Variants in PCDHGB2 observed in about 807,000 individuals in gnomAD.
PCDHGB2 encodes protocadherin gamma subfamily B, 2, also known as protocadherin gamma-B2.
In PCDHGB2, 55 loss-of-function variants were observed where a neutral mutation model predicts 59.3. The observed-to-expected ratio is 0.93, with a 90% CI of 0.75 to 1.16. PCDHGB2 has a LOEUF of 1.16. Ranked by LOEUF, PCDHGB2 falls within the 50% of genes most tolerant of loss-of-function variation. PCDHGB2 has a pLI of 0.00. For synonymous variants in PCDHGB2, 516 were observed against 512.0 expected, an observed-to-expected ratio of 1.01 and a Z score of -0.11; for missense variants, 1,228 against 1,198.5, an observed-to-expected ratio of 1.02 and a Z score of -0.36.
intron 1 of PCDHGB2, among the ~76,000 whole-genome samples, chr5:141,450,025 G>C (rs963999877): frequency 2.7e-5 from 1 of 36,752 alleles, no homozygotes; most frequent in Non-Finnish European, 5.4e-5. Context: ...TTTTTTTTTT[G>C]AGACAGGGTC....
intron 1 of PCDHGB2, chr5:141,375,405 A>G (rs1472795802): frequency 6.2e-7 from 1 of 1,613,932 alleles, no homozygotes; most frequent in South Asian, 1.1e-5. Context: ...ATCTCTCTAA[A>G]TGTGGCAGAC....
At chr5:141,415,306 T>G (rs2095852502) in intron 1 of PCDHGB2, 2 of 1,614,222 alleles carry the variant, frequency 1.2e-6, no homozygotes, top group Non-Finnish European at 8.5e-7. Context: ...CTTCCTGGCC[T>G]TCGTCATCGT....
intron 1 of PCDHGB2, chr5:141,428,113 T>A: frequency 6.2e-7 from 1 of 1,607,492 alleles, no homozygotes; most frequent in Non-Finnish European, 8.5e-7. Flanking sequence ...CTGCAGGCCA[T>A]CGAGCCCGGG....
At chr5:141,384,819 G>C (rs1251597245) in intron 1 of PCDHGB2, 2 of 1,613,524 alleles carry the variant, frequency 1.2e-6, no homozygotes, top group African/African-American at 1.3e-5. Flanking sequence ...CCCTCAAGCA[G>C]AGCCTCGTGG....
Position 141,360,239 on chromosome 5 carries a change from A to G in PCDHGB2, c.104A>G (p.Tyr35Cys), listed in dbSNP as rs775491179. 2 of 1,613,884 alleles carry G rather than the reference A, an allele frequency of 1.2e-6. No homozygotes were observed. The highest frequency in any genetic ancestry group is 1.7e-6 in the Non-Finnish European group (2 of 1,179,852). The change falls in exon 1 of 4, where the codon TAT becomes TGT. Residue 35 changes from tyrosine (Y) to cysteine (C), a missense_variant. This residue lies in a region of PCDHGB2 where 781 missense variants were observed against 721.6 expected (regional missense o/e 1.08). Transcript: ENST00000522605. ...FPGALPVQIRYSIPEELAKNS... is the reference protein window; with the variant it reads ...FPGALPVQIRCSIPEELAKNS... ...GGGGCTCTCCCAGTCCAGATCCGCTATTCAATTCCAGAGGAGCTGGCCAAA... is the reference window on the plus strand; with the variant it reads ...GGGGCTCTCCCAGTCCAGATCCGCTGTTCAATTCCAGAGGAGCTGGCCAAA...
chr5:141,379,845 AC>A (rs1334954085), intron 1 of PCDHGB2, among the ~76,000 whole-genome samples: 3 of 138,852 alleles, frequency 2.2e-5, no homozygotes. Context: ...AAAAAAAACT[AC>A]CAAATTATTG....
chr5:141,418,776 C>G (rs763308217), intron 1 of PCDHGB2: 1 of 1,613,806 alleles, frequency 6.2e-7, no homozygotes, highest in East Asian at 2.2e-5. Flanking sequence ...ACTCAGCAGC[C>G]TTTGGATTTT....
intron 1 of PCDHGB2, among the ~76,000 whole-genome samples, chr5:141,456,483 CTTAATA>C (rs2098861684): frequency 1.3e-5 from 2 of 152,072 alleles, no homozygotes; most frequent in African/African-American, 4.8e-5. Context: ...CAAGAGAGTG[CTTAATA>C]AAGGGGTTAA....
At chr5:141,413,924 A>T in intron 1 of PCDHGB2, 1 of 1,613,408 alleles carries the variant, frequency 6.2e-7, no homozygotes, top group Non-Finnish European at 8.5e-7. Context: ...ACCTTGCCAG[A>T]ATACCGAGTG....
intron 1 of PCDHGB2, among the ~76,000 whole-genome samples, chr5:141,444,242 G>A (rs964582042): frequency 7.5e-6 from 1 of 133,896 alleles, no homozygotes; most frequent in Non-Finnish European, 1.5e-5. Flanking sequence ...CATGCTCTCG[G>A]CTCACTGCAA....
intron 2 of PCDHGB2, among the ~76,000 whole-genome samples, chr5:141,501,476 A>T (rs1274017343): frequency 3.3e-5 from 5 of 152,044 alleles, no homozygotes; most frequent in Admixed American, 3.3e-4. Context: ...ATCCTGGAAG[A>T]GTCCCTCATA....
chr5:141,407,616 C>T (rs752226894), intron 1 of PCDHGB2, among the ~76,000 whole-genome samples: 3 of 151,970 alleles, frequency 2.0e-5, no homozygotes, highest in Non-Finnish European at 4.4e-5. Flanking sequence ...CATTGGTTGA[C>T]ATTCTATATC....
chr5:141,472,980 C>CAAAAAAAAAAAAAAAAAAAGAAAAAAAAA (rs60579131), intron 1 of PCDHGB2, among the ~76,000 whole-genome samples: 1 of 86,106 alleles, frequency 1.2e-5, no homozygotes, highest in Admixed American at 1.2e-4. Context: ...GAGTGAAACT[C>CAAAAAAAAAAAAAAAAAAAGAAAAAAAAA]AAAAAAAAAA....
chr5:141,374,719 T>C, intron 1 of PCDHGB2: 3 of 1,610,224 alleles, frequency 1.9e-6, no homozygotes, highest in Non-Finnish European at 1.7e-6. Flanking sequence ...GCCTGGTCCT[T>C]ACTGCCATGG....
chr5:141,483,099 C>T (rs10068400), intron 1 of PCDHGB2, among the ~76,000 whole-genome samples: 3,098 of 152,014 alleles, frequency 0.02, 87 homozygotes, highest in African/African-American at 0.065. Flanking sequence ...AAAAAGTGTG[C>T]GTGTAAAACA....
At chr5:141,362,691 T>C (rs1762634639) in intron 1 of PCDHGB2, 135 bp downstream of exon 1, 2 of 1,109,006 alleles carry the variant, frequency 1.8e-6, no homozygotes, top group South Asian at 1.7e-5. Context: ...TAATCTTATC[T>C]AACTGAATTT....
chr5:141,498,002 C>T (rs1442305270), intron 2 of PCDHGB2, among the ~76,000 whole-genome samples: 2 of 152,178 alleles, frequency 1.3e-5, no homozygotes, highest in East Asian at 1.9e-4. Flanking sequence ...AAGGAGTTTA[C>T]AGTGCACTGA....
chr5:141,384,848 G>A, intron 1 of PCDHGB2: 1 of 1,613,600 alleles, frequency 6.2e-7, no homozygotes, highest in Non-Finnish European at 8.5e-7. Flanking sequence ...CAGGACCACG[G>A]TCAGCCTCCT....
At position 141,431,897 on chromosome 5, in the gene PCDHGB2, G is replaced by C. The variant is rs1591112104; in HGVS notation, c.2422-62910G>C. 6.2e-7 allele frequency: 1 copy of C among 1,613,830 alleles called. No homozygotes were observed. The highest frequency in any genetic ancestry group is 8.5e-7 in the Non-Finnish European group (1 of 1,179,704). ...AAATGACCAAGATTCTGAGGAAAAC[G>C]GACAGGTGATCTGTTTCATCCAAGG... On this transcript the variant is annotated intron_variant, in intron 1 of 3. Coordinates refer to ENST00000522605, the MANE Select transcript of PCDHGB2 (RefSeq NM_018923.3). The surrounding 1 kb of genome is among the most constrained non-coding windows in gnomAD (Gnocchi z 4.8).
Sources: gnomAD v4.1 joint callset for allele counts (sites outside exome capture counted in the v4.1 genomes callset) on GRCh38, gnomAD v4.1.1 for gene constraint, gnomAD v4.1.1 regional missense constraint, Gnocchi (gnomAD v3.1) non-coding constraint, MANE v1.5 for transcripts, NCBI Gene and HGNC (gene_info 2026-07-23, HGNC 2026-07-21) for gene names.